The following MAP2K5 variants were observed in gnomAD, a reference collection of about 807,000 sequenced individuals.
MAP2K5 encodes the protein mitogen-activated protein kinase kinase 5.
A neutral mutation model predicts 83.1 loss-of-function variants in MAP2K5; 49 were observed. The observed-to-expected ratio is 0.59, with a 90% confidence interval of 0.47 to 0.75. The LOEUF is 0.75. Ranked by LOEUF, MAP2K5 falls within the 30% of genes least tolerant of loss-of-function variation. MAP2K5 has a pLI of 0.00. For missense variants in MAP2K5, 457 were observed against 557.5 expected (o/e 0.82, Z 1.82); for synonymous variants, 202 against 191.8 (o/e 1.05, Z -0.44).
Position 67,614,591 on chromosome 15 carries a change from C to T in MAP2K5, c.545+13842C>T, listed in dbSNP as rs1401407950. Reference sequence around the variant, plus strand: ...TTTGCCCACTACATTATTTCAGAATCCTTGATCAAGAGATCAGAATGACTG... The same window carrying T: ...TTTGCCCACTACATTATTTCAGAATTCTTGATCAAGAGATCAGAATGACTG... On this transcript the variant is annotated intron_variant, in intron 8 of 21. Transcript: ENST00000178640. Among the ~76,000 whole-genome samples the T allele has an allele frequency of 2.0e-5, 3 of 152,150 alleles. No individual in the cohort carries two copies. The East Asian group carries it at 5.8e-4, about 29-fold the overall frequency.
intron 2 of MAP2K5, among the ~76,000 whole-genome samples, chr15:67,557,965 A>G (rs1567271423): frequency 1.3e-5 from 2 of 152,254 alleles, no homozygotes; most frequent in Non-Finnish European, 2.9e-5. Flanking sequence ...TTTAACATGT[A>G]AGAGTTAATT....
In MAP2K5 at chr15:67,801,723, C is replaced by T. The variant is rs2090709740; in HGVS notation, c.1243-4923C>T. Among the ~76,000 whole-genome samples, 1 of 152,168 alleles carries T rather than the reference C, an allele frequency of 6.6e-6. No homozygotes were observed. Among genetic ancestry groups the T allele is most frequent in the Non-Finnish European group, 1.5e-5 (1 of 68,030 alleles). Reference sequence around the variant, plus strand: ...TCAGATGTAAGGCATTCAGCCAATGCCTGTACACAGCAAGTGCTCAGTAAG... The same window carrying T: ...TCAGATGTAAGGCATTCAGCCAATGTCTGTACACAGCAAGTGCTCAGTAAG... On this transcript the variant is annotated intron_variant, in intron 21 of 21. Transcript: ENST00000178640. This position sits in a 1 kb window ranked among gnomAD's most constrained non-coding sequence, Gnocchi z 4.8.
intron 16 of MAP2K5, 36 bp from the exon 17 acceptor site, chr15:67,727,880 A>T (rs769273967): frequency 6.4e-6 from 10 of 1,557,186 alleles, no homozygotes; most frequent in African/African-American, 1.4e-5. Context: ...CCTGCATGCA[A>T]ATCTATAACT....
intron 13 of MAP2K5, among the ~76,000 whole-genome samples, chr15:67,675,164 C>G (rs1596772287): frequency 6.6e-6 from 1 of 152,190 alleles, no homozygotes; most frequent in Non-Finnish European, 1.5e-5. Flanking sequence ...TATTGCAGCT[C>G]TATTCATCAT....
intron 17 of MAP2K5, among the ~76,000 whole-genome samples, chr15:67,739,148 C>T (rs2089411817): frequency 6.6e-6 from 1 of 151,444 alleles, no homozygotes; most frequent in South Asian, 2.1e-4. Flanking sequence ...GGTGTGGTGG[C>T]ATATGCCTAT....
intron 13 of MAP2K5, among the ~76,000 whole-genome samples, chr15:67,666,596 T>C (rs529714771): frequency 6.6e-6 from 1 of 152,152 alleles, no homozygotes; most frequent in Non-Finnish European, 1.5e-5. Context: ...TGGTTGCAAC[T>C]TGGGCTAAGA....
intron 13 of MAP2K5, among the ~76,000 whole-genome samples, chr15:67,686,736 G>A (rs140371331): frequency 3.3e-5 from 5 of 152,300 alleles, no homozygotes; most frequent in South Asian, 4.1e-4. Flanking sequence ...GGGGGTCAGG[G>A]TAGAACTGAC....
chr15:67,730,201 T>G (rs576229758), intron 17 of MAP2K5, among the ~76,000 whole-genome samples: 1 of 152,308 alleles, frequency 6.6e-6, no homozygotes, highest in African/African-American at 2.4e-5. Context: ...GGATACTTTA[T>G]AAATGCCTTT....
intron 8 of MAP2K5, among the ~76,000 whole-genome samples, chr15:67,630,511 A>G (rs2086447837): frequency 6.6e-6 from 1 of 152,236 alleles, no homozygotes; most frequent in African/African-American, 2.4e-5. Flanking sequence ...AGAGCTATAG[A>G]GAACCCACAT....
In MAP2K5 at chr15:67,738,188, C is replaced by T. The variant is rs2141259953; in HGVS notation, c.1075-10043C>T. ...TATGAGAGAAGAAGCTATTGGCCTA[C>T]AGGTTCAGAGGAGGAGAGACCAAAG... On this transcript the variant is annotated intron_variant, in intron 17 of 21. Transcript: ENST00000178640. This position sits in a 1 kb window ranked among gnomAD's most constrained non-coding sequence, Gnocchi z 4.1. Among the ~76,000 whole-genome samples the T allele has an allele frequency of 6.6e-6, 1 of 152,234 alleles. No homozygotes were observed. The highest frequency in any genetic ancestry group is 3.4e-3 in the Middle Eastern group (1 of 294).
chr15:67,697,888 T>G (rs1330588208), intron 15 of MAP2K5, among the ~76,000 whole-genome samples: 4 of 152,216 alleles, frequency 2.6e-5, no homozygotes, highest in African/African-American at 9.6e-5. Flanking sequence ...GTAACATCAT[T>G]AGTCATTTAG....
intron 17 of MAP2K5, among the ~76,000 whole-genome samples, chr15:67,732,356 C>T (rs1398461946): frequency 6.6e-6 from 1 of 152,188 alleles, no homozygotes; most frequent in Non-Finnish European, 1.5e-5. Context: ...AGGATGATAG[C>T]AAATCCATTA....
Position 67,747,909 on chromosome 15 carries a change from C to G in MAP2K5, c.1075-322C>G, listed in dbSNP as rs1397512355. Among the ~76,000 whole-genome samples the G allele has an allele frequency of 2.6e-5, 4 of 152,130 alleles. No homozygotes were observed. Among genetic ancestry groups the G allele is most frequent in the Admixed American group, 1.3e-4 (2 of 15,284 alleles). ...TTAGCAATGATTGCAACATTAAGCC[C>G]AGTGTTCACAATCTAGCAATATAAA... On this transcript the variant is annotated intron_variant, in intron 17 of 21. Transcript: ENST00000178640. This position sits in a 1 kb window ranked among gnomAD's most constrained non-coding sequence, Gnocchi z 4.1.
Position 67,750,777 on chromosome 15 carries a change from C to T in MAP2K5, c.1134+2176C>T, listed in dbSNP as rs536247920. On this transcript the variant is annotated intron_variant, in intron 19 of 21. Transcript: ENST00000178640. This position sits in a 1 kb window ranked among gnomAD's most constrained non-coding sequence, Gnocchi z 4.2. ...CTTCATTTGCATCTGACTTTTAGAC[C>T]TTTTATTTGTGAATGAATATGCCCA... is the stretch of plus-strand genomic sequence containing the variant. Among the ~76,000 whole-genome samples the T allele has an allele frequency of 6.6e-6, 1 of 152,216 alleles. No homozygotes were observed. Among genetic ancestry groups the T allele is most frequent in the South Asian group, 2.1e-4 (1 of 4,818 alleles).
In MAP2K5 at chr15:67,758,120, C is replaced by T. The variant is rs916935711; in HGVS notation, c.1134+9519C>T. On this transcript the variant is annotated intron_variant, in intron 19 of 21. Coordinates refer to ENST00000178640, the MANE Select transcript of MAP2K5 (RefSeq NM_145160.3). The surrounding 1 kb of genome is among the most constrained non-coding windows in gnomAD (Gnocchi z 4.7). The stretch of plus-strand genomic sequence containing the variant: ...GAAAGAGTTTTAAGCAAGAGGTCAA[C>T]GTAGCCAGATTTGTGTTTTACACTG... Among the ~76,000 whole-genome samples, 6 of 152,182 alleles carry T rather than the reference C, an allele frequency of 3.9e-5. No homozygotes were observed. In the East Asian group the frequency reaches 7.7e-4, roughly 20 times the overall value.
rs531554572 is a variant in MAP2K5 at position 67,709,918 on chromosome 15, C to T, written c.1044+6510C>T. On this transcript the variant is annotated intron_variant, in intron 16 of 21. Transcript: ENST00000178640. ...TCTTATTTTCACTGAGTATGCTGTA[C>T]AAATACATGTTCTGGTTTGGGATTC... is the stretch of plus-strand genomic sequence containing the variant. Among the ~76,000 whole-genome samples the T allele has an allele frequency of 6.6e-4, 100 of 152,282 alleles. 1 individual carries two copies. In the South Asian group the frequency reaches 0.021, roughly 32 times the overall value.
intron 13 of MAP2K5, chr15:67,670,378 C>T (rs1174925871): frequency 1.8e-5 from 8 of 454,908 alleles, no homozygotes; most frequent in East Asian, 1.4e-4. Context: ...TGTTCTGTAG[C>T]TTGATTTTTG....
At chr15:67,688,124 T>C (rs1489799257) in intron 13 of MAP2K5, among the ~76,000 whole-genome samples, 2 of 152,064 alleles carry the variant, frequency 1.3e-5, no homozygotes, top group Non-Finnish European at 2.9e-5. Context: ...TGTGGAAGCA[T>C]AGTAGTATTC....
intron 3 of MAP2K5, among the ~76,000 whole-genome samples, chr15:67,575,929 T>C (rs1481214137): frequency 3.4e-5 from 5 of 147,302 alleles, no homozygotes; most frequent in Middle Eastern, 3.4e-3. Context: ...TTTTTTTTTT[T>C]TTTTTTTTAA....
Sources: allele counts gnomAD v4.1 joint callset (sites outside exome capture counted in the v4.1 genomes callset), GRCh38; gene constraint gnomAD v4.1.1; non-coding constraint Gnocchi (gnomAD v3.1); transcripts MANE v1.5; gene names NCBI Gene and HGNC (gene_info 2026-07-23, HGNC 2026-07-21).